Variants in NSUN3 observed in about 807,000 individuals in gnomAD.
NSUN3 encodes the protein tRNA (cytosine(34)-C(5))-methyltransferase, mitochondrial.
NSUN3 carries 24 observed loss-of-function variants against 36.8 expected under a neutral mutation model. That is an observed-to-expected ratio of 0.65 (90% confidence interval 0.47 to 0.92). The LOEUF (loss-of-function observed/expected upper bound fraction) is 0.92. NSUN3 is among the 40% of genes least tolerant of loss of function. NSUN3 has a pLI of 0.00. For missense variants in NSUN3, 381 were observed against 392.8 expected (o/e 0.97, Z 0.25); for synonymous variants, 146 against 145.2 (o/e 1.01, Z -0.04).
chr3:94,105,518 A>AT (rs1314339105), intron 5 of NSUN3, among the ~76,000 whole-genome samples: 2 of 151,780 alleles, frequency 1.3e-5, no homozygotes, highest in African/African-American at 4.8e-5. Flanking sequence ...AAAGATGGTC[A>AT]TTTTTTTTCC....
At chr3:94,100,773 T>G (rs1225225074) in intron 5 of NSUN3, among the ~76,000 whole-genome samples, 1 of 152,156 alleles carries the variant, frequency 6.6e-6, no homozygotes, top group East Asian at 1.9e-4. Flanking sequence ...AAAAAGGTAT[T>G]TATGCCCTTT....
intron 2 of NSUN3, among the ~76,000 whole-genome samples, chr3:94,074,352 T>C (rs962442522): frequency 1.3e-5 from 2 of 152,222 alleles, no homozygotes; most frequent in East Asian, 3.8e-4. Context: ...AAGTCAATGG[T>C]AGCTGGATGG....
chr3:94,089,139 A>G lies in NSUN3; in HGVS notation c.466+4689A>G, dbSNP rs528641899. Among the ~76,000 whole-genome samples the G allele has an allele frequency of 3.2e-4, 49 of 152,308 alleles. 1 individual carries two copies. Among genetic ancestry groups the G allele is most frequent in the African/African-American group, 1.2e-3 (49 of 41,572 alleles). On this transcript the variant is annotated intron_variant, in intron 3 of 5. Coordinates refer to ENST00000314622, the MANE Select transcript of NSUN3 (RefSeq NM_022072.5). ...CCATTTTGTTCTTTTGTGAATTTGT[A>G]ACATTGCTTCCAGGTAAGTTTAAAG...
In NSUN3 at chr3:94,077,321, C is replaced by T. The variant is rs1246026432; in HGVS notation, c.123-6786C>T. 4 of 450,034 alleles carry T rather than the reference C, an allele frequency of 8.9e-6. No individual in the cohort carries two copies. The South Asian group carries it at 1.0e-4, about 11-fold the overall frequency. The allele number at this position is 450,034 out of a possible 1,614,324, so 27.9% of individuals were successfully genotyped here. A position where few individuals can be genotyped will look rare whatever the true frequency, so the allele number is the denominator to read the frequency against. Reference sequence around the variant, plus strand: ...CGTGGTGGATAAGCTTATTGATGTGCTACTGGATTTGGTTTGCCAGTATTT... The same window carrying T: ...CGTGGTGGATAAGCTTATTGATGTGTTACTGGATTTGGTTTGCCAGTATTT... On this transcript the variant is annotated intron_variant, in intron 2 of 5. Transcript: ENST00000314622.
rs2077504928 is a variant in NSUN3, at chr3:94,130,390, T to G, written c.*3900T>G. On this transcript the variant is annotated 3_prime_UTR_variant, in exon 6 of 6. Transcript: ENST00000314622. ...ATGAGAATACTTTTACCAAAGATAA[T>G]GAAATCTTGCATAATGTCTGCATTT... Among the ~76,000 whole-genome samples, 1 of 152,186 alleles carries G rather than the reference T, an allele frequency of 6.6e-6. No individual in the cohort carries two copies. Among genetic ancestry groups the G allele is most frequent in the South Asian group, 2.1e-4 (1 of 4,830 alleles).
chr3:94,110,747 C>T (rs1038671348), intron 5 of NSUN3, among the ~76,000 whole-genome samples: 23 of 151,962 alleles, frequency 1.5e-4, no homozygotes, highest in Middle Eastern at 3.4e-3. Context: ...CACACACACA[C>T]ACACACACAC....
At position 94,084,144 on chromosome 3, in the gene NSUN3, G is replaced by C; in HGVS notation, c.160G>C (p.Val54Leu). 6.2e-7 allele frequency: 1 copy of C among 1,613,996 alleles called. No individual in the cohort carries two copies. Among genetic ancestry groups the C allele is most frequent in the Non-Finnish European group, 8.5e-7 (1 of 1,179,964 alleles). Residue 54 changes from valine (V) to leucine (L), a missense_variant, in exon 3 of 6, where the codon GTC becomes CTC. Transcript: ENST00000314622. ...ATCTCCATCATGCTGGCAATATGCT[G>C]TCCTGCTTAACCGATTCAATTATCC... ...LTSPSCWQYA[V>L]LLNRFNYPFE...
At chr3:94,121,745 C>A (rs1019240693) in intron 5 of NSUN3, among the ~76,000 whole-genome samples, 1 of 152,162 alleles carries the variant, frequency 6.6e-6, no homozygotes, top group Non-Finnish European at 1.5e-5. Context: ...TAAATGAATA[C>A]ATGAGATGTA....
At chr3:94,093,559 A>G (rs540507321) in intron 3 of NSUN3, among the ~76,000 whole-genome samples, 1 of 150,848 alleles carries the variant, frequency 6.6e-6, no homozygotes, top group African/African-American at 2.4e-5. Context: ...TAGAGACCTG[A>G]TAGAGGTGCC....
At chr3:94,094,975 C>T (rs1415708918) in intron 4 of NSUN3, 58 bp from the exon 5 acceptor site, 2 of 1,575,500 alleles carry the variant, frequency 1.3e-6, no homozygotes, top group Non-Finnish European at 1.7e-6. Context: ...CTATCTACTT[C>T]GTGCCTGAGA....
At chr3:94,100,593 C>T (rs1364347689) in intron 5 of NSUN3, among the ~76,000 whole-genome samples, 4 of 152,020 alleles carry the variant, frequency 2.6e-5, no homozygotes, top group Non-Finnish European at 5.9e-5. Flanking sequence ...ATGTATATTT[C>T]AAAATTGCTA....
chr3:94,063,224 G>T (rs529792533), intron 1 of NSUN3, 86 bp downstream of exon 1: 3 of 1,317,272 alleles, frequency 2.3e-6, no homozygotes, highest in Admixed American at 3.4e-5. Context: ...GTGCTGGGAT[G>T]GGGGAACATC....
chr3:94,101,034 G>T (rs2107260396), intron 5 of NSUN3, among the ~76,000 whole-genome samples: 2 of 151,656 alleles, frequency 1.3e-5, no homozygotes, highest in Admixed American at 1.3e-4. Context: ...TGTCTCCCAG[G>T]CTAAAGCGCA....
chr3:94,083,763 T>A (rs1395272179), intron 2 of NSUN3, among the ~76,000 whole-genome samples: 1 of 152,184 alleles, frequency 6.6e-6, no homozygotes, highest in African/African-American at 2.4e-5. Context: ...CCTTTCAATT[T>A]AGTTCTCGGA....
chr3:94,108,584 C>T (rs935083000), intron 5 of NSUN3, among the ~76,000 whole-genome samples: 32 of 152,080 alleles, frequency 2.1e-4, no homozygotes, highest in African/African-American at 7.5e-4. Flanking sequence ...TGGTCTTGAT[C>T]TCTTGACCTT....
intron 3 of NSUN3, among the ~76,000 whole-genome samples, chr3:94,086,089 G>A (rs1029269941): frequency 2.6e-5 from 4 of 151,832 alleles, no homozygotes; most frequent in Non-Finnish European, 5.9e-5. Flanking sequence ...GATTACAGGT[G>A]CCCACCACCA....
rs1178920457 is a variant in NSUN3 at position 94,126,447 on chromosome 3, A to T, written c.980A>T (p.Tyr327Phe). ...PDKGKAWGPMYVAKLKKSWST... is the reference protein window; with the variant it reads ...PDKGKAWGPMFVAKLKKSWST... ...AAGGGCAAAGCCTGGGGCCCAATGT[A>T]TGTAGCCAAATTGAAGAAATCATGG... Residue 327 changes from tyrosine to phenylalanine, a missense_variant, in exon 6 of 6, where the codon TAT becomes TTT. Coordinates refer to ENST00000314622, the MANE Select transcript of NSUN3 (RefSeq NM_022072.5). The T allele has an allele frequency of 1.2e-6, 2 of 1,611,706 alleles. No individual in the cohort carries two copies. The highest frequency in any genetic ancestry group is 2.7e-5 in the African/African-American group (2 of 74,884).
chr3:94,095,967 G>A (rs2077337350), intron 5 of NSUN3, among the ~76,000 whole-genome samples: 1 of 147,210 alleles, frequency 6.8e-6, no homozygotes, highest in Non-Finnish European at 1.5e-5. Flanking sequence ...CACTGTGTTG[G>A]TCAGGCTGGT....
At chr3:94,101,006 A>G (rs965553380) in intron 5 of NSUN3, among the ~76,000 whole-genome samples, 1 of 151,962 alleles carries the variant, frequency 6.6e-6, no homozygotes, top group African/African-American at 2.4e-5. Flanking sequence ...AAAATATTTT[A>G]GAGAGAGGGT....
Sources: gnomAD v4.1 joint callset for allele counts (sites outside exome capture counted in the v4.1 genomes callset) on GRCh38, gnomAD v4.1.1 for gene constraint, MANE v1.5 for transcripts, NCBI Gene and HGNC (gene_info 2026-07-23, HGNC 2026-07-21) for gene names.